CYP7A1: variants seen among roughly 807,000 people sequenced by gnomAD.
CYP7A1 encodes the protein cytochrome P450 family 7 subfamily A member 1.
CYP7A1 carries 28 observed loss-of-function variants against 43.8 expected under a neutral mutation model. The observed-to-expected ratio is 0.64, with a 90% CI of 0.47 to 0.88. The LOEUF is 0.88. CYP7A1 is among the 40% of genes least tolerant of loss of function. The probability of loss-of-function intolerance (pLI) is 0.00; values close to 1 mark genes in which losing one functional copy is unlikely to be tolerated. For synonymous variants in CYP7A1, 227 were observed against 222.5 expected (o/e 1.02, Z -0.18); for missense variants, 637 against 611.9 (o/e 1.04, Z -0.43).
At chr8:58,493,464 G>A (rs553949316) in intron 4 of CYP7A1, among the ~76,000 whole-genome samples, 22 of 152,300 alleles carry the variant, frequency 1.4e-4, no homozygotes, top group African/African-American at 4.3e-4. Flanking sequence ...TAGAGAGCTC[G>A]CGAGAGGTCC....
intron 3 of CYP7A1, among the ~76,000 whole-genome samples, chr8:58,495,383 G>A (rs1225468371): frequency 2.0e-5 from 3 of 151,574 alleles, no homozygotes; most frequent in South Asian, 4.2e-4. Flanking sequence ...CCGCCACCAC[G>A]CCCAGCTAAT....
Position 58,500,010 on chromosome 8 carries a change from A to G in CYP7A1, c.80+9T>C, listed in dbSNP as rs1410644135. On this transcript the variant is annotated intron_variant, in intron 1 of 5. Coordinates refer to ENST00000301645, the MANE Select transcript of CYP7A1 (RefSeq NM_000780.4). ...TCAAAGAGCAATTTAAAGATAAAAC[A>G]TTACTTACCTTCTCCTAATTCCAAG... 1 of 1,604,642 alleles carries G rather than the reference A, an allele frequency of 6.2e-7. No homozygotes were observed.
chr8:58,494,463 G>T, intron 4 of CYP7A1, 43 bp downstream of exon 4: 1 of 1,598,172 alleles, frequency 6.3e-7, no homozygotes, highest in Non-Finnish European at 8.6e-7. Context: ...TGTTAAAGTA[G>T]TAGGACATAG....
At position 58,497,082 on chromosome 8, in the gene CYP7A1, T is replaced by A; in HGVS notation, c.430A>T (p.Ser144Cys). The A allele has an allele frequency of 6.2e-7, 1 of 1,602,098 alleles. No individual in the cohort carries two copies. Among genetic ancestry groups the A allele is most frequent in the Non-Finnish European group, 8.5e-7 (1 of 1,179,918 alleles). ...ATACGTTGGAGGTTTTCCATCATGC[T>A]TTCCGTGAGGGAATTCAAGGCATGG... ...QGHALNSLTE[S>C]MMENLQRIMR... The change falls in exon 3 of 6, where the codon AGC becomes TGC. Residue 144 changes from serine to cysteine, a missense_variant. Ser to Cys is a moderately radical substitution (Grantham distance 112). Transcript: ENST00000301645.
At chr8:58,495,214 T>TA (rs1169882541) in intron 3 of CYP7A1, among the ~76,000 whole-genome samples, 71 of 110,168 alleles carry the variant, frequency 6.4e-4, no homozygotes, top group African/African-American at 2.0e-3. Context: ...TTTTATTTTA[T>TA]TTTTATTTAT....
At chr8:58,494,445 G>C in intron 4 of CYP7A1, 61 bp downstream of exon 4, 1 of 1,543,820 alleles carries the variant, frequency 6.5e-7, no homozygotes, top group South Asian at 1.1e-5. Flanking sequence ...ATTTATGTTG[G>C]TCATTATTGT....
chr8:58,492,304 T>C, intron 5 of CYP7A1, 49 bp downstream of exon 5: 2 of 1,375,364 alleles, frequency 1.5e-6, no homozygotes, highest in Non-Finnish European at 2.1e-6. Flanking sequence ...TTTATTTAGA[T>C]CTAGGTAGCT....
Position 58,491,514 on chromosome 8 carries a change from C to G in CYP7A1, c.1476G>C (p.Leu492Phe). The change falls in exon 6 of 6, where the codon TTG becomes TTC. Residue 492 changes from leucine (L) to phenylalanine (F), a missense_variant. By Grantham distance (22) the Leu-to-Phe change is conservative. Transcript: ENST00000301645. ...ATTTATATTTAAATTCAATATCATT[C>G]AATGGCGGCAAAATGCCCAAGCCTG... is the stretch of plus-strand genomic sequence containing the variant. ...SRAGLGILPPLNDIEFKYKFK... is the reference protein window; with the variant it reads ...SRAGLGILPPFNDIEFKYKFK... The G allele has an allele frequency of 6.2e-7, 1 of 1,614,144 alleles. No individual in the cohort carries two copies. The highest frequency in any genetic ancestry group is 8.5e-7 in the Non-Finnish European group (1 of 1,180,024).
chr8:58,492,727 A>G (rs1362143690), intron 4 of CYP7A1, among the ~76,000 whole-genome samples, 199 bp from the exon 5 acceptor site: 1 of 152,128 alleles, frequency 6.6e-6, no homozygotes, highest in Non-Finnish European at 1.5e-5. Context: ...TGTTACCACT[A>G]TGCTGTTATC....
In CYP7A1 at chr8:58,498,357, G is replaced by C. The variant is rs750595419; in HGVS notation, c.193C>G (p.His65Asp). The C allele has an allele frequency of 1.2e-6, 2 of 1,614,002 alleles. No homozygotes were observed. Among genetic ancestry groups the C allele is most frequent in the South Asian group, 1.1e-5 (1 of 91,062 alleles). ...FLRANQRKHG[H>D]VFTCKLMGKY... ...CCCATTAGTTTGCAGGTAAAAACAT[G>C]ACCATGTTTCCTTTGATTTGCTCTG... The change falls in exon 2 of 6, where the codon CAT (histidine) becomes GAT (aspartate). Residue 65 changes from histidine to aspartate, a missense_variant. By Grantham distance (81) the His-to-Asp change is moderately conservative. Coordinates refer to ENST00000301645, the MANE Select transcript of CYP7A1 (RefSeq NM_000780.4).
intron 1 of CYP7A1, among the ~76,000 whole-genome samples, chr8:58,499,798 C>T (rs76303422): frequency 0.013 from 1,981 of 152,088 alleles, 42 homozygotes; most frequent in African/African-American, 0.045. Flanking sequence ...ATATTACCAT[C>T]GGTATATGCC....
chr8:58,499,188 C>T (rs1157517279), intron 1 of CYP7A1, among the ~76,000 whole-genome samples: 4 of 152,146 alleles, frequency 2.6e-5, no homozygotes, highest in Non-Finnish European at 2.9e-5. Flanking sequence ...CCTTTCTTTT[C>T]TTAGTTTGAA....
At chr8:58,498,113 A>G in intron 2 of CYP7A1, 116 bp downstream of exon 2, 1 of 1,154,316 alleles carries the variant, frequency 8.7e-7, no homozygotes. Context: ...CCACATAAGG[A>G]TAACTCTCTT....
At position 58,498,372 on chromosome 8, in the gene CYP7A1, G is replaced by T. The variant is rs747570322; in HGVS notation, c.178C>A (p.Gln60Lys). Residue 60 changes from glutamine (Q) to lysine (K), a missense_variant, in exon 2 of 6, where the codon CAA becomes AAA. Coordinates refer to ENST00000301645, the MANE Select transcript of CYP7A1 (RefSeq NM_000780.4). ...GTAAAAACATGACCATGTTTCCTTT[G>T]ATTTGCTCTGAGGAACTCAAGAGGA... is the stretch of plus-strand genomic sequence containing the variant. Reference protein sequence around the residue: ...ANPLEFLRANQRKHGHVFTCK... With the variant: ...ANPLEFLRANKRKHGHVFTCK... 7 of 1,613,978 alleles carry T rather than the reference G, an allele frequency of 4.3e-6. No homozygotes were observed. The highest frequency in any genetic ancestry group is 3.3e-5 in the Admixed American group (2 of 60,002).
Position 58,491,286 on chromosome 8 carries a change from A to G in CYP7A1, c.*189T>C, listed in dbSNP as rs1809346798. On this transcript the variant is annotated 3_prime_UTR_variant, in exon 6 of 6. Coordinates refer to ENST00000301645, the MANE Select transcript of CYP7A1 (RefSeq NM_000780.4). ...CTAGAAACTAGTTCTTTTCACTAGC[A>G]GAGTCTGTGATAGCATCTGGAAACT... 4.9e-6 allele frequency: 3 copies of G among 609,568 alleles called. No homozygotes were observed. The South Asian group carries it at 6.2e-5, about 12-fold the overall frequency. 37.8% of individuals were successfully genotyped at this position (609,568 alleles called of 1,614,324 possible).
chr8:58,498,257 T>C lies in CYP7A1; in HGVS notation c.293A>G (p.Lys98Arg). Residue 98 changes from lysine to arginine, a missense_variant, in exon 2 of 6, where the codon AAA becomes AGA. By Grantham distance (26) the Lys-to-Arg change is conservative. Coordinates refer to ENST00000301645, the MANE Select transcript of CYP7A1 (RefSeq NM_000780.4). ...CGCAGAAGTAGCAAAGTGAAATTTT[T>C]TCCAATCAAAATATTTTCCGTGGCA... is the stretch of plus-strand genomic sequence containing the variant. ...VLCHGKYFDWKKFHFATSAKA... is the reference protein window; with the variant it reads ...VLCHGKYFDWRKFHFATSAKA... The C allele has an allele frequency of 6.8e-6, 11 of 1,614,162 alleles. No individual in the cohort carries two copies. Among genetic ancestry groups the C allele is most frequent in the Non-Finnish European group, 6.8e-6 (8 of 1,180,010 alleles).
chr8:58,491,129 C>T lies in CYP7A1; in HGVS notation c.*346G>A, dbSNP rs947684205. The T allele has an allele frequency of 1.9e-5, 5 of 266,744 alleles. No individual in the cohort carries two copies. Among genetic ancestry groups the T allele is most frequent in the African/African-American group, 8.8e-5 (4 of 45,396 alleles). 16.5% of individuals were successfully genotyped at this position (266,744 alleles called of 1,614,324 possible). On this transcript the variant is annotated 3_prime_UTR_variant, in exon 6 of 6. Coordinates refer to ENST00000301645, the MANE Select transcript of CYP7A1 (RefSeq NM_000780.4). ...AGACTACAGGTGCCTGCTACCACAC[C>T]TGGCTGTAATGTGTATCTTCATTTT...
At chr8:58,494,664 T>G (rs1237814597) in intron 3 of CYP7A1, 28 bp from the exon 4 acceptor site, 26 of 1,611,208 alleles carry the variant, frequency 1.6e-5, no homozygotes, top group Non-Finnish European at 2.2e-5. Context: ...AAAACATGTA[T>G]GTACAGAAAA....
intron 4 of CYP7A1, among the ~76,000 whole-genome samples, chr8:58,493,896 A>G (rs1282346649): frequency 6.6e-5 from 10 of 152,158 alleles, no homozygotes; most frequent in African/African-American, 2.2e-4. Context: ...GCTACTTGGG[A>G]GGCTGAGGCA....
Sources: gnomAD v4.1 joint callset for allele counts (sites outside exome capture counted in the v4.1 genomes callset) on GRCh38, gnomAD v4.1.1 for gene constraint, MANE v1.5 for transcripts, NCBI Gene and HGNC (gene_info 2026-07-23, HGNC 2026-07-21) for gene names.